ANK3: variants seen among roughly 807,000 people sequenced by gnomAD.
The protein encoded by ANK3 is ankyrin 3, also known as ankyrin-3.
ANK3 carries 57 observed loss-of-function variants against 370.9 expected under a neutral mutation model. That is an observed-to-expected ratio of 0.15 (90% CI 0.12 to 0.19). ANK3 has a LOEUF of 0.19. ANK3 is among the 10% of genes least tolerant of loss of function. The probability of loss-of-function intolerance (pLI) is 1.00; values close to 1 mark genes in which losing one functional copy is unlikely to be tolerated. For synonymous variants in ANK3, 1,929 were observed against 1,946.3 expected (o/e 0.99, Z 0.23); for missense variants, 4,439 against 5,302.1 (o/e 0.84, Z 5.06).
Position 60,080,601 on chromosome 10 carries a change from T to G in ANK3, c.4368A>C (p.Arg1456Ser). The G allele has an allele frequency of 6.3e-7, 1 of 1,594,708 alleles. No homozygotes were observed. Among genetic ancestry groups the G allele is most frequent in the Non-Finnish European group, 8.5e-7 (1 of 1,175,294 alleles). Reference sequence around the variant, plus strand: ...AAGCTAAGGATGCGAAGCTCTGTCGTCTATCTGTTTTCTCAATCTGAAAAG... The same window carrying G: ...AAGCTAAGGATGCGAAGCTCTGTCGGCTATCTGTTTTCTCAATCTGAAAAG... The part of the protein sequence containing the change: ...DQDDEIEKTD[R>S]RQSFASLALR... The change falls in exon 36 of 44, where the codon AGA (arginine) becomes AGC (serine). Residue 1456 changes from arginine to serine, a missense_variant. Transcript: ENST00000280772.
rs1049712973 is a variant in ANK3 at position 60,166,978 on chromosome 10, G to A, written c.2479-82C>T. On this transcript the variant is annotated intron_variant, in intron 21 of 43. Transcript: ENST00000280772. ...TTTTCATTTATCTCTGAATTAATCA[G>A]TTTCTTGTGGAATGTATGTGTTGAA... 5 of 1,123,794 alleles carry A rather than the reference G, an allele frequency of 4.4e-6. No homozygotes were observed. The South Asian group carries it at 5.2e-5, about 12-fold the overall frequency. 69.6% of individuals were successfully genotyped at this position (1,123,794 alleles called of 1,614,324 possible).
At chr10:60,513,942 C>T (rs2076152444) in intron 2 of ANK3, among the ~76,000 whole-genome samples, 1 of 152,146 alleles carries the variant, frequency 6.6e-6, no homozygotes, top group African/African-American at 2.4e-5. Flanking sequence ...CCTTCCCCTT[C>T]CTCCACCTCA....
chr10:60,045,616 G>T (rs932013966), intron 42 of ANK3, among the ~76,000 whole-genome samples: 3 of 152,182 alleles, frequency 2.0e-5, no homozygotes, highest in East Asian at 1.9e-4. Context: ...TTACTGAAAA[G>T]GTGAAATGGA....
intron 1 of ANK3, among the ~76,000 whole-genome samples, chr10:60,320,420 G>A (rs937073358): frequency 5.9e-5 from 9 of 152,050 alleles, no homozygotes; most frequent in African/African-American, 1.4e-4. Flanking sequence ...ATGGTGAAAC[G>A]CTGTCTCTAC....
At chr10:60,539,556 C>A (rs1013877527) in intron 2 of ANK3, among the ~76,000 whole-genome samples, 2 of 151,878 alleles carry the variant, frequency 1.3e-5, no homozygotes, top group African/African-American at 2.4e-5. Flanking sequence ...GTGGTTTCTA[C>A]GAGATTAAAT....
At chr10:60,244,782 C>G (rs566483217) in intron 7 of ANK3, among the ~76,000 whole-genome samples, 3 of 152,186 alleles carry the variant, frequency 2.0e-5, no homozygotes, top group Non-Finnish European at 4.4e-5. Flanking sequence ...CTTTTGAAAA[C>G]TCTTTTAGCC....
Position 60,074,305 on chromosome 10 carries a change from C to A in ANK3, c.6576G>T (p.Val2192=), listed in dbSNP as rs779857100. Reference sequence around the variant, plus strand: ...TAAAAGTAGGTGAAGGTTTAGGTGACACAGGCTCCTCTGGTTGGGTCTGGG... The same window carrying A: ...TAAAAGTAGGTGAAGGTTTAGGTGAAACAGGCTCCTCTGGTTGGGTCTGGG... The part of the protein sequence containing the change: ...DVPQTQPEEP[V]SPKPSPTFME... Residue 2192 remains valine (V), a synonymous_variant, in exon 37 of 44, where the codon GTG becomes GTT. Transcript: ENST00000280772. The A allele has an allele frequency of 5.0e-6, 8 of 1,613,934 alleles. No individual in the cohort carries two copies. The highest frequency in any genetic ancestry group is 1.7e-5 in the Admixed American group (1 of 59,984).
chr10:60,457,464 G>C (rs1350546598), intron 2 of ANK3, among the ~76,000 whole-genome samples: 1 of 152,102 alleles, frequency 6.6e-6, no homozygotes, highest in Non-Finnish European at 1.5e-5. Context: ...TTATAGAATA[G>C]ATTGCTAATA....
intron 1 of ANK3, among the ~76,000 whole-genome samples, chr10:60,653,882 T>C (rs72811826): frequency 0.028 from 4,287 of 152,180 alleles, 95 homozygotes; most frequent in Non-Finnish European, 0.045. Flanking sequence ...ACAAACAAAA[T>C]TGCTTTGGCT....
At chr10:60,330,221 C>A (rs190267326) in intron 1 of ANK3, among the ~76,000 whole-genome samples, 55 of 152,270 alleles carry the variant, frequency 3.6e-4, no homozygotes, top group African/African-American at 1.3e-3. Context: ...AGGACATAGG[C>A]ATGGGCGAAG....
In ANK3 at chr10:60,055,678, A is replaced by G. The variant is rs138857513; in HGVS notation, c.13045T>C (p.Ser4349Pro). The change falls in exon 42 of 44, where the codon TCC becomes CCC. Residue 4349 changes from serine (S) to proline (P), a missense_variant. This residue lies in a region of ANK3 where 242 missense variants were observed against 228.0 expected (regional missense o/e 1.06). Coordinates refer to ENST00000280772, the MANE Select transcript of ANK3 (RefSeq NM_020987.5). Reference sequence around the variant, plus strand: ...CGTACCTTTTGCTCAGACCCACTGGACCCCTCTTCTTCATGGAGGCTAAGC... The same window carrying G: ...CGTACCTTTTGCTCAGACCCACTGGGCCCCTCTTCTTCATGGAGGCTAAGC... ...PRLSLHEEEG[S>P]SGSEQKQGEG... The G allele has an allele frequency of 6.2e-7, 1 of 1,612,048 alleles. No homozygotes were observed. Among genetic ancestry groups the G allele is most frequent in the African/African-American group, 1.3e-5 (1 of 74,758 alleles).
intron 25 of ANK3, among the ~76,000 whole-genome samples, chr10:60,126,646 C>A (rs1433490652): frequency 1.3e-5 from 2 of 151,494 alleles, no homozygotes; most frequent in African/African-American, 4.9e-5. Flanking sequence ...TGAGGTCATG[C>A]CACTGCACTC....
intron 2 of ANK3, among the ~76,000 whole-genome samples, chr10:60,501,270 T>C (rs1360502480): frequency 6.6e-6 from 1 of 152,188 alleles, no homozygotes; most frequent in African/African-American, 2.4e-5. Context: ...TGAACACTCA[T>C]TCTGATTTGA....
At chr10:60,713,225 C>A (rs552956078) in intron 1 of ANK3, among the ~76,000 whole-genome samples, 1 of 152,072 alleles carries the variant, frequency 6.6e-6, no homozygotes, top group Non-Finnish European at 1.5e-5. Context: ...TATACCTTAA[C>A]AAATGTAAAC....
intron 1 of ANK3, among the ~76,000 whole-genome samples, chr10:60,326,166 C>A (rs2049815082): frequency 6.6e-6 from 1 of 152,098 alleles, no homozygotes; most frequent in Non-Finnish European, 1.5e-5. Context: ...TCTGGAAAAA[C>A]CACCAATGGG....
chr10:60,234,299 C>T (rs865896730), intron 8 of ANK3, among the ~76,000 whole-genome samples: 2 of 152,216 alleles, frequency 1.3e-5, no homozygotes, highest in Admixed American at 6.5e-5. Flanking sequence ...TTTGAGGAAG[C>T]TCCACACTGT....
At position 60,073,364 on chromosome 10, in the gene ANK3, A is replaced by G. The variant is rs769822914; in HGVS notation, c.7517T>C (p.Ile2506Thr). The change falls in exon 37 of 44, where the codon ATA (isoleucine) becomes ACA (threonine). Residue 2506 changes from isoleucine (I) to threonine (T), a missense_variant. Coordinates refer to ENST00000280772, the MANE Select transcript of ANK3 (RefSeq NM_020987.5). ...AATTTCTTTTTTGGGGGCAGTGGCT[A>G]TTTTTTCTCTGGACCGCTTATCAGA... Reference protein sequence around the residue: ...QGSDKRSREKIATAPKKEILS... With the variant: ...QGSDKRSREKTATAPKKEILS... The G allele has an allele frequency of 2.5e-6, 4 of 1,613,474 alleles. No individual in the cohort carries two copies. In the Admixed American group the frequency reaches 6.7e-5, roughly 27 times the overall value.
chr10:60,187,281 G>A (rs968181237), intron 16 of ANK3, among the ~76,000 whole-genome samples: 5 of 151,622 alleles, frequency 3.3e-5, no homozygotes, highest in East Asian at 3.9e-4. Flanking sequence ...TCAGCCTCCC[G>A]AGTAGCTGGG....
At chr10:60,691,302 T>C (rs1222184267) in intron 1 of ANK3, among the ~76,000 whole-genome samples, 5 of 152,082 alleles carry the variant, frequency 3.3e-5, no homozygotes, top group Admixed American at 6.6e-5. Context: ...AAATGAAATT[T>C]GAAAAAGAAA....
Sources: allele counts gnomAD v4.1 joint callset (sites outside exome capture counted in the v4.1 genomes callset), GRCh38; gene constraint gnomAD v4.1.1; regional missense constraint gnomAD v4.1.1; transcripts MANE v1.5; gene names NCBI Gene and HGNC (gene_info 2026-07-23, HGNC 2026-07-21).